Variants in ADI1 observed in about 807,000 individuals in gnomAD.
ADI1 encodes the protein acireductone dioxygenase 1.
ADI1 carries 21 observed loss-of-function variants against 18.7 expected under a neutral mutation model. The ratio of observed to expected loss-of-function variants is 1.13; its 90% confidence interval spans 0.80 to 1.62. ADI1 has a LOEUF of 1.62. Ranked by LOEUF, ADI1 falls within the 40% of genes most tolerant of loss-of-function variation. The pLI is 0.00. For missense variants in ADI1, 245 were observed against 254.9 expected, an observed-to-expected ratio of 0.96 and a Z score of 0.26; for synonymous variants, 90 against 100.1, an observed-to-expected ratio of 0.90 and a Z score of 0.60.
intron 2 of ADI1, among the ~76,000 whole-genome samples, chr2:3,513,451 T>G (rs1667335134): frequency 1.3e-5 from 2 of 152,192 alleles, no homozygotes; most frequent in Admixed American, 1.3e-4. Flanking sequence ...AGGGTGGATT[T>G]CTCATGAATA....
At chr2:3,506,888 GA>G (rs1001624008) in intron 2 of ADI1, among the ~76,000 whole-genome samples, 2 of 152,046 alleles carry the variant, frequency 1.3e-5, no homozygotes, top group South Asian at 2.1e-4. Flanking sequence ...GCAATACAAT[GA>G]AAAAAAGGTA....
In ADI1 at chr2:3,499,024, C is replaced by A. The variant is rs754878202; in HGVS notation, c.479G>T (p.Arg160Leu). Reference protein sequence around the residue: ...VGEPVWTAYNRPADHFEARGQ... With the variant: ...VGEPVWTAYNLPADHFEARGQ... ...GCGGGCTTCAAAATGGTCAGCGGGC[C>A]GGTTGTACGCTGTCCACACCGGTTC... Residue 160 changes from arginine to leucine, a missense_variant, in exon 4 of 4, where the codon CGG becomes CTG. Arg to Leu is a moderately radical substitution (Grantham distance 102, BLOSUM62 -2). Transcript: ENST00000327435. 2 of 1,614,058 alleles carry A rather than the reference C, an allele frequency of 1.2e-6. No homozygotes were observed. The highest frequency in any genetic ancestry group is 2.2e-5 in the East Asian group (1 of 44,882).
At chr2:3,502,032 C>T (rs1191737420) in intron 2 of ADI1, among the ~76,000 whole-genome samples, 939 of 78,606 alleles carry the variant, frequency 0.012, 14 homozygotes, top group African/African-American at 0.075. Context: ...CACACACACA[C>T]ACACACACAC....
intron 2 of ADI1, among the ~76,000 whole-genome samples, chr2:3,510,775 G>A (rs761278342): frequency 6.6e-6 from 1 of 152,094 alleles, no homozygotes; most frequent in African/African-American, 2.4e-5. Context: ...ATCTAGTAAA[G>A]AAGTTGAACT....
At position 3,499,095 on chromosome 2, in the gene ADI1, C is replaced by A; in HGVS notation, c.421-13G>T. The A allele has an allele frequency of 6.2e-7, 1 of 1,611,264 alleles. No homozygotes were observed. ...CCTTCGTGTAGTTCTGGAAAACAGA[C>A]AAACACACCCAGCATCTCATTAAAC... is the stretch of plus-strand genomic sequence containing the variant. On this transcript the variant is annotated splice_polypyrimidine_tract_variant and intron_variant, in intron 3 of 3. Transcript: ENST00000327435.
At chr2:3,519,261 T>C in intron 1 of ADI1, 107 bp downstream of exon 1, 1 of 1,299,736 alleles carries the variant, frequency 7.7e-7, no homozygotes, top group Non-Finnish European at 9.8e-7. Context: ...ATGCGCAGCA[T>C]GCCGCGGCTC....
At chr2:3,501,044 GCTCAC>G (rs1666994157) in intron 2 of ADI1, 51 bp from the exon 3 acceptor site, 1 of 1,497,560 alleles carries the variant, frequency 6.7e-7, no homozygotes, top group South Asian at 1.3e-5. Flanking sequence ...TGTCACGCAA[GCTCAC>G]ACCCACCCAC....
rs1666907935 is a variant in ADI1 at position 3,498,225 on chromosome 2, C to A, written c.*738G>T. The A allele has an allele frequency of 6.6e-6, 1 of 152,162 alleles. No homozygotes were observed. Among genetic ancestry groups the A allele is most frequent in the Admixed American group, 6.5e-5 (1 of 15,276 alleles). 9.4% of individuals were successfully genotyped at this position (152,162 alleles called of 1,614,324 possible). On this transcript the variant is annotated 3_prime_UTR_variant, in exon 4 of 4. Coordinates refer to ENST00000327435, the MANE Select transcript of ADI1 (RefSeq NM_018269.4). ...TATGACAAACTAGGCATAATCCTAT[C>A]TCGGAATTGTTGAGTAGAAAATTTA... is the stretch of plus-strand genomic sequence containing the variant.
intron 2 of ADI1, among the ~76,000 whole-genome samples, chr2:3,510,156 A>T (rs192562197): frequency 0.027 from 4,159 of 151,772 alleles, 92 homozygotes; most frequent in Non-Finnish European, 0.033. Context: ...AAAAAAAAAA[A>T]AAAAAAAAAT....
chr2:3,516,168 T>C, intron 1 of ADI1: 2 of 527,624 alleles, frequency 3.8e-6, no homozygotes, highest in Non-Finnish European at 4.9e-6. Context: ...AAGCCCTCAT[T>C]TATAGGATTA....
chr2:3,514,552 T>A (rs1667359371), intron 1 of ADI1, among the ~76,000 whole-genome samples: 1 of 152,234 alleles, frequency 6.6e-6, no homozygotes, highest in African/African-American at 2.4e-5. Flanking sequence ...TCGGCTATCT[T>A]AAAAATATTT....
At chr2:3,516,696 T>C (rs909615977) in intron 1 of ADI1, 3 of 977,852 alleles carry the variant, frequency 3.1e-6, no homozygotes, top group African/African-American at 1.7e-5. Context: ...AAGCTATTTT[T>C]GTCATTTTGT....
chr2:3,499,173 T>A (rs1457512991), intron 3 of ADI1, 91 bp from the exon 4 acceptor site: 1 of 1,491,290 alleles, frequency 6.7e-7, no homozygotes, highest in Non-Finnish European at 9.0e-7. Flanking sequence ...TAACATTAAT[T>A]GCTATAAACA....
At position 3,498,840 on chromosome 2, in the gene ADI1, C is replaced by T; in HGVS notation, c.*123G>A. On this transcript the variant is annotated 3_prime_UTR_variant, in exon 4 of 4. Coordinates refer to ENST00000327435, the MANE Select transcript of ADI1 (RefSeq NM_018269.4). ...AAAATATTCTGATCAAATAATCTTA[C>T]AAAGGAAAGATAATCTAGCCTCAAG... 1.4e-6 allele frequency: 2 copies of T among 1,423,704 alleles called. No individual in the cohort carries two copies. Among genetic ancestry groups the T allele is most frequent in the Non-Finnish European group, 9.5e-7 (1 of 1,058,128 alleles). 88.2% of individuals were successfully genotyped at this position (1,423,704 alleles called of 1,614,324 possible). A position where few individuals can be genotyped will look rare whatever the true frequency, so the allele number is the denominator to read the frequency against.
At chr2:3,501,905 G>C (rs140187144) in intron 2 of ADI1, among the ~76,000 whole-genome samples, 1 of 152,190 alleles carries the variant, frequency 6.6e-6, no homozygotes, top group African/African-American at 2.4e-5. Flanking sequence ...AAAACATTGA[G>C]AGTATTTTAC....
chr2:3,516,613 T>TA, intron 1 of ADI1: 1 of 614,490 alleles, frequency 1.6e-6, no homozygotes, highest in Non-Finnish European at 2.0e-6. Flanking sequence ...GCTGGCACCT[T>TA]AATCTTGGAC....
intron 2 of ADI1, among the ~76,000 whole-genome samples, chr2:3,502,026 CA>C: frequency 9.7e-6 from 1 of 102,734 alleles, no homozygotes; most frequent in Non-Finnish European, 1.7e-5. Flanking sequence ...CACACACACA[CA>C]CACACACACA....
chr2:3,508,710 T>A (rs1667230529), intron 2 of ADI1, among the ~76,000 whole-genome samples: 1 of 152,070 alleles, frequency 6.6e-6, no homozygotes, highest in Non-Finnish European at 1.5e-5. Context: ...AAAAGCAGCC[T>A]GGGCAACATA....
chr2:3,503,457 G>A lies in ADI1; in HGVS notation c.241-2464C>T, dbSNP rs1481614322. On this transcript the variant is annotated intron_variant, in intron 2 of 3. Transcript: ENST00000327435. ...TTCACACTCATGCACACATACGGAC[G>A]TACACTCACACGTGTGCATTCACAC... 1.4e-5 allele frequency among the ~76,000 whole-genome samples: 2 copies of A among 145,180 alleles called. 1 individual carries two copies. The highest frequency in any genetic ancestry group is 3.0e-5 in the Non-Finnish European group (2 of 66,870).
Sources: gnomAD v4.1 joint callset for allele counts (sites outside exome capture counted in the v4.1 genomes callset) on GRCh38, gnomAD v4.1.1 for gene constraint, MANE v1.5 for transcripts, NCBI Gene and HGNC (gene_info 2026-07-23, HGNC 2026-07-21) for gene names.